PEBP4: variants seen among roughly 807,000 people sequenced by gnomAD.
PEBP4 encodes the protein phosphatidylethanolamine binding protein 4, also known as phosphatidylethanolamine-binding protein 4.
In PEBP4, 22 loss-of-function variants were observed where a neutral mutation model predicts 23.9. That is an observed-to-expected ratio of 0.92 (90% CI 0.66 to 1.31). PEBP4 has a LOEUF of 1.31. PEBP4 is among the 40% of genes most tolerant of loss of function. PEBP4 has a pLI of 0.00. For missense variants in PEBP4, 324 were observed against 281.7 expected (o/e 1.15, Z -1.07); for synonymous variants, 112 against 99.3 (o/e 1.13, Z -0.76).
chr8:22,727,292 TTGCTTCTC>T, intron 4 of PEBP4, 72 bp from the exon 5 acceptor site: 2 of 1,462,196 alleles, frequency 1.4e-6, no homozygotes, highest in South Asian at 2.4e-5. Flanking sequence ...CTCTGCGGGA[TTGCTTCTC>T]TCTCTGCAGG....
Position 22,713,407 on chromosome 8 carries a change from G to A in PEBP4, c.647C>T (p.Pro216Leu), listed in dbSNP as rs777506423. 26 of 1,608,294 alleles carry A rather than the reference G, an allele frequency of 1.6e-5. No homozygotes were observed. Among genetic ancestry groups the A allele is most frequent in the African/African-American group, 2.7e-5 (2 of 74,632 alleles). ...LQAPRERASE[P>L]KHKNQAEIAA... ...TATCTCCGCCTGGTTTTTGTGCTTG[G>A]GCTCGCTGGCCCTTTCTCTGGGAGC... Residue 216 changes from proline to leucine, a missense_variant, in exon 7 of 7, where the codon CCC becomes CTC. By Grantham distance (98) the Pro-to-Leu change is moderately conservative. Transcript: ENST00000256404.
chr8:22,785,062 A>C (rs991991537), intron 4 of PEBP4, among the ~76,000 whole-genome samples: 1 of 152,066 alleles, frequency 6.6e-6, no homozygotes, highest in East Asian at 1.9e-4. Context: ...TGTCTAGAAC[A>C]CTTTGCCGCC....
At chr8:22,920,717 G>A (rs1809181917) in intron 2 of PEBP4, among the ~76,000 whole-genome samples, 1 of 152,282 alleles carries the variant, frequency 6.6e-6, no homozygotes, top group African/African-American at 2.4e-5. Context: ...TGCTTTTCAG[G>A]AACATTCTTA....
intron 3 of PEBP4, chr8:22,885,005 A>C (rs779087612): frequency 2.0e-5 from 3 of 152,196 alleles, no homozygotes; most frequent in African/African-American, 4.8e-5. Context: ...ATCAGGTTAC[A>C]TCTATCAGAG....
In PEBP4 at chr8:22,915,915, G is replaced by A. The variant is rs186671206; in HGVS notation, c.258+4269C>T. Among the ~76,000 whole-genome samples the A allele has an allele frequency of 1.7e-4, 26 of 152,356 alleles. No individual in the cohort carries two copies. The East Asian group carries it at 4.6e-3, about 27-fold the overall frequency. On this transcript the variant is annotated intron_variant, in intron 3 of 6. Transcript: ENST00000256404. ...TGAGTTCCGAGCTCTCTTATAGAGA[G>A]GAGAGTTCCAGGCCTCTAGAAAATT...
intron 6 of PEBP4, among the ~76,000 whole-genome samples, chr8:22,715,868 G>GGGAGAGCT (rs889772874): frequency 6.6e-6 from 1 of 152,228 alleles, no homozygotes; most frequent in Non-Finnish European, 1.5e-5. Flanking sequence ...GGGGTGTGTG[G>GGGAGAGCT]GGAGAGCTGG....
intron 3 of PEBP4, among the ~76,000 whole-genome samples, chr8:22,871,072 G>C (rs915790650): frequency 6.6e-6 from 1 of 152,182 alleles, no homozygotes; most frequent in Non-Finnish European, 1.5e-5. Flanking sequence ...CCAAAGTTGG[G>C]TGAAGCAGGA....
At chr8:22,834,469 C>T (rs988037482) in intron 3 of PEBP4, among the ~76,000 whole-genome samples, 6 of 152,226 alleles carry the variant, frequency 3.9e-5, no homozygotes, top group African/African-American at 1.2e-4. Context: ...AGGACAGAGG[C>T]ACCTCCACCC....
intron 3 of PEBP4, among the ~76,000 whole-genome samples, chr8:22,866,775 G>C (rs969655456): frequency 2.0e-5 from 3 of 151,066 alleles, no homozygotes; most frequent in Non-Finnish European, 2.9e-5. Context: ...TTTTATAAGC[G>C]CCATATTTTT....
chr8:22,784,395 T>C (rs1288355291), intron 4 of PEBP4, among the ~76,000 whole-genome samples: 1 of 152,114 alleles, frequency 6.6e-6, no homozygotes, highest in Non-Finnish European at 1.5e-5. Flanking sequence ...CAGAGTGTGG[T>C]TATCTTGCAG....
At chr8:22,888,488 G>C (rs537298668) in intron 3 of PEBP4, among the ~76,000 whole-genome samples, 1 of 152,260 alleles carries the variant, frequency 6.6e-6, no homozygotes, top group East Asian at 1.9e-4. Flanking sequence ...CCTCAGTCTT[G>C]GCCCCTGCTA....
chr8:22,740,941 C>G (rs1386233468), intron 4 of PEBP4, among the ~76,000 whole-genome samples: 9 of 152,166 alleles, frequency 5.9e-5, no homozygotes, highest in Non-Finnish European at 1.0e-4. Context: ...TTGTTAGCTC[C>G]TTTCCCCCAG....
rs75381247 is a variant in PEBP4, at chr8:22,786,244, T to C, written c.357+31393A>G. On this transcript the variant is annotated intron_variant, in intron 4 of 6. Transcript: ENST00000256404. ...GCTTGTGTTCCTTGGTTGGGACCTC[T>C]GGTAATAGGCTAGGTATATTTCTGT... Among the ~76,000 whole-genome samples the C allele has an allele frequency of 3.8e-3, 581 of 152,316 alleles. 2 individuals carry two copies. Among genetic ancestry groups the C allele is most frequent in the African/African-American group, 0.013 (550 of 41,562 alleles).
chr8:22,838,340 G>GT (rs959994072), intron 3 of PEBP4, among the ~76,000 whole-genome samples: 1 of 152,032 alleles, frequency 6.6e-6, no homozygotes, highest in South Asian at 2.1e-4. Context: ...TAGGAAACAG[G>GT]TTTTTTGGTT....
At chr8:22,739,197 G>A (rs887324011) in intron 4 of PEBP4, among the ~76,000 whole-genome samples, 1 of 152,124 alleles carries the variant, frequency 6.6e-6, no homozygotes, top group Admixed American at 6.5e-5. Flanking sequence ...CCAAGAGGCA[G>A]GGTGGGATGG....
At chr8:22,811,537 T>A (rs1806628109) in intron 4 of PEBP4, among the ~76,000 whole-genome samples, 1 of 152,092 alleles carries the variant, frequency 6.6e-6, no homozygotes, top group Admixed American at 6.5e-5. Flanking sequence ...CTGTTAAAAA[T>A]AGAGGTGGGA....
chr8:22,910,430 G>A (rs1163816820), intron 3 of PEBP4, among the ~76,000 whole-genome samples: 1 of 152,228 alleles, frequency 6.6e-6, no homozygotes, highest in Admixed American at 6.5e-5. Flanking sequence ...CCCTCAAGAA[G>A]TTTATGTTCT....
chr8:22,911,245 GAGTACA>G (rs1339227109), intron 3 of PEBP4, among the ~76,000 whole-genome samples: 1 of 152,156 alleles, frequency 6.6e-6, no homozygotes, highest in Non-Finnish European at 1.5e-5. Context: ...TGGACTCTGC[GAGTACA>G]AGACCAACAT....
chr8:22,733,618 A>G (rs1466432004), intron 4 of PEBP4, among the ~76,000 whole-genome samples: 2 of 152,116 alleles, frequency 1.3e-5, no homozygotes, highest in Non-Finnish European at 2.9e-5. Flanking sequence ...GGTGCCTCAG[A>G]GCAAAGGGTC....
Sources: gnomAD v4.1 joint callset for allele counts (sites outside exome capture counted in the v4.1 genomes callset) on GRCh38, gnomAD v4.1.1 for gene constraint, MANE v1.5 for transcripts, NCBI Gene and HGNC (gene_info 2026-07-23, HGNC 2026-07-21) for gene names.